THEMIS: variants seen among roughly 807,000 people sequenced by gnomAD.
The protein encoded by THEMIS is protein THEMIS.
A neutral mutation model predicts 52.6 loss-of-function variants in THEMIS; 37 were observed. The observed-to-expected ratio is 0.70, with a 90% CI of 0.54 to 0.93. The LOEUF (loss-of-function observed/expected upper bound fraction) is 0.93, where lower values mean the gene tolerates loss of function less well. Among genes scored for constraint, THEMIS ranks in the 40% least tolerant of loss-of-function variants. The pLI is 0.00. For synonymous variants in THEMIS, 292 were observed against 272.7 expected, an observed-to-expected ratio of 1.07 and a Z score of -0.70; for missense variants, 808 against 763.1, an observed-to-expected ratio of 1.06 and a Z score of -0.69.
chr6:127,707,382 G>T (rs1348805413), downstream of THEMIS, among the ~76,000 whole-genome samples: 1 of 152,124 alleles, frequency 6.6e-6, no homozygotes, highest in Non-Finnish European at 1.5e-5. Flanking sequence ...CTTTTACTCT[G>T]AATGAGGTAG....
intron 4 of THEMIS, among the ~76,000 whole-genome samples, chr6:127,768,185 T>C (rs940885542): frequency 6.6e-6 from 1 of 152,240 alleles, no homozygotes; most frequent in Non-Finnish European, 1.5e-5. Flanking sequence ...ACACAGATTA[T>C]AAATTAATGA....
chr6:127,879,284 TC>T, intron 1 of THEMIS, among the ~76,000 whole-genome samples: 1 of 152,188 alleles, frequency 6.6e-6, no homozygotes, highest in African/African-American at 2.4e-5. Flanking sequence ...AACTCTTATG[TC>T]TAACTCTGCA....
At chr6:127,778,360 G>A (rs934935941) in intron 4 of THEMIS, among the ~76,000 whole-genome samples, 2 of 151,938 alleles carry the variant, frequency 1.3e-5, no homozygotes, top group Non-Finnish European at 2.9e-5. Flanking sequence ...TATAATCAAC[G>A]AACATCTGTT....
upstream of THEMIS, among the ~76,000 whole-genome samples, chr6:127,902,890 C>T (rs1781180282): frequency 6.6e-6 from 1 of 152,012 alleles, no homozygotes; most frequent in South Asian, 2.1e-4. Context: ...ATATCTAATG[C>T]AAGCTGGATA....
intron 1 of THEMIS, among the ~76,000 whole-genome samples, chr6:127,908,987 A>G (rs1401269294): frequency 3.3e-5 from 5 of 151,880 alleles, no homozygotes; most frequent in Non-Finnish European, 7.4e-5. Context: ...TAAGTTGCCA[A>G]TTGCTTACAA....
chr6:127,877,561 G>A (rs1199492330), intron 1 of THEMIS, among the ~76,000 whole-genome samples: 1 of 152,180 alleles, frequency 6.6e-6, no homozygotes, highest in Non-Finnish European at 1.5e-5. Flanking sequence ...GACACAAGGA[G>A]AGGAAGAGAT....
intron 4 of THEMIS, among the ~76,000 whole-genome samples, chr6:127,804,732 C>G (rs548480170): frequency 2.0e-5 from 3 of 152,182 alleles, no homozygotes; most frequent in Non-Finnish European, 4.4e-5. Context: ...GGTTCTCAGC[C>G]TTGGATAACA....
chr6:127,806,991 C>T (rs1343616168), intron 4 of THEMIS, among the ~76,000 whole-genome samples: 4 of 152,182 alleles, frequency 2.6e-5, no homozygotes, highest in African/African-American at 9.7e-5. Context: ...AGACAACAGA[C>T]CTCTGGCAAC....
At chr6:127,851,075 A>G (rs560690691) in intron 2 of THEMIS, among the ~76,000 whole-genome samples, 2 of 151,772 alleles carry the variant, frequency 1.3e-5, no homozygotes, top group South Asian at 4.1e-4. Flanking sequence ...ATGTGAAGAA[A>G]ATGCAATTGA....
chr6:127,783,032 A>C (rs1380495302), intron 4 of THEMIS, among the ~76,000 whole-genome samples: 2 of 152,220 alleles, frequency 1.3e-5, no homozygotes, highest in Admixed American at 1.3e-4. Flanking sequence ...TACTAGGACC[A>C]AAACAGAGAT....
chr6:127,856,746 T>C (rs1167145280), intron 1 of THEMIS, among the ~76,000 whole-genome samples: 3 of 152,026 alleles, frequency 2.0e-5, no homozygotes, highest in Non-Finnish European at 4.4e-5. Context: ...GCTCATATTT[T>C]CGTTAACTTT....
chr6:127,731,149 G>A (rs1466260439), intron 4 of THEMIS, among the ~76,000 whole-genome samples: 1 of 152,126 alleles, frequency 6.6e-6, no homozygotes, highest in Non-Finnish European at 1.5e-5. Context: ...TAATGACACT[G>A]GGGATTTCAT....
At chr6:127,844,162 G>A (rs1398724031) in intron 2 of THEMIS, among the ~76,000 whole-genome samples, 1 of 151,978 alleles carries the variant, frequency 6.6e-6, no homozygotes, top group Non-Finnish European at 1.5e-5. Context: ...CAGTGCTAGG[G>A]CAGACTCAGC....
upstream of THEMIS, among the ~76,000 whole-genome samples, chr6:127,902,336 A>AT (rs1554248893): frequency 1.7e-4 from 25 of 150,252 alleles, no homozygotes; most frequent in East Asian, 7.8e-4. Context: ...AAAAAAAAAA[A>AT]AAAAAAAAAT....
At chr6:127,861,392 T>A (rs76588558) in intron 1 of THEMIS, among the ~76,000 whole-genome samples, 248 of 152,270 alleles carry the variant, frequency 1.6e-3, no homozygotes, top group African/African-American at 4.8e-3. Context: ...GCACAATACA[T>A]ACAAAATAAA....
At chr6:127,910,700 C>A (rs1050039810) in intron 1 of THEMIS, among the ~76,000 whole-genome samples, 2 of 152,108 alleles carry the variant, frequency 1.3e-5, no homozygotes, top group East Asian at 1.9e-4. Context: ...TTCCTGTATA[C>A]CCATACAAAC....
At chr6:127,768,122 C>A (rs915410184) in intron 4 of THEMIS, among the ~76,000 whole-genome samples, 3 of 152,130 alleles carry the variant, frequency 2.0e-5, no homozygotes, top group African/African-American at 7.2e-5. Flanking sequence ...CACCCACATG[C>A]ACATAAACAC....
At chr6:127,870,439 C>CA (rs1780122594) in intron 1 of THEMIS, among the ~76,000 whole-genome samples, 1 of 151,988 alleles carries the variant, frequency 6.6e-6, no homozygotes, top group South Asian at 2.1e-4. Context: ...GTCAAAGAAA[C>CA]AAAAAACAGA....
chr6:127,815,434 C>T (rs1480897320), intron 3 of THEMIS, among the ~76,000 whole-genome samples: 1 of 151,630 alleles, frequency 6.6e-6, no homozygotes, highest in Non-Finnish European at 1.5e-5. Flanking sequence ...ATCAAAAAAC[C>T]TGTGTGATTT....
Sources: allele counts gnomAD v4.1 joint callset (sites outside exome capture counted in the v4.1 genomes callset), GRCh38; gene constraint gnomAD v4.1.1; transcripts MANE v1.5; gene names NCBI Gene and HGNC (gene_info 2026-07-23, HGNC 2026-07-21).